NIPBL: variants seen among roughly 807,000 people sequenced by gnomAD.
The protein encoded by NIPBL is NIPBL cohesin loading factor, also known as nipped-B-like protein.
Under a neutral mutation model 321.8 loss-of-function variants are expected in NIPBL, and 19 were observed. That is an observed-to-expected ratio of 0.06 (90% CI 0.04 to 0.09). The LOEUF (loss-of-function observed/expected upper bound fraction) is 0.09. NIPBL is among the 10% of genes least tolerant of loss of function. The pLI is 1.00. For missense variants in NIPBL, 2,210 were observed against 3,327.0 expected, an observed-to-expected ratio of 0.66 and a Z score of 8.26; for synonymous variants, 1,106 against 1,114.1, an observed-to-expected ratio of 0.99 and a Z score of 0.14.
chr5:37,042,590 G>A (rs1187112925), intron 34 of NIPBL, among the ~76,000 whole-genome samples: 1 of 151,924 alleles, frequency 6.6e-6, no homozygotes, highest in Non-Finnish European at 1.5e-5. Context: ...TGGAGTTTAA[G>A]ACCAGCCTGG....
chr5:36,992,129 A>G (rs922608819), intron 10 of NIPBL, among the ~76,000 whole-genome samples: 2 of 152,214 alleles, frequency 1.3e-5, no homozygotes, highest in Non-Finnish European at 2.9e-5. Context: ...ATATATGTAC[A>G]GAAGCTGAAA....
At chr5:36,977,707 A>G (rs554495233) in intron 9 of NIPBL, among the ~76,000 whole-genome samples, 34 of 151,740 alleles carry the variant, frequency 2.2e-4, no homozygotes, top group Non-Finnish European at 4.3e-4. Flanking sequence ...CCCGTCACCC[A>G]AATAGTGATC....
In NIPBL at chr5:37,044,628, T is replaced by C; in HGVS notation, c.6250-8T>C. On this transcript the variant is annotated splice_polypyrimidine_tract_variant and splice_region_variant and intron_variant, in intron 35 of 46. Transcript: ENST00000282516. Reference sequence around the variant, plus strand: ...AACTTTTATCTAAACATTTTCTATATCTTTTAGGTAGTGCAACATTGTGTG... The same window carrying C: ...AACTTTTATCTAAACATTTTCTATACCTTTTAGGTAGTGCAACATTGTGTG... 1.9e-6 allele frequency: 3 copies of C among 1,609,664 alleles called. No homozygotes were observed. The highest frequency in any genetic ancestry group is 2.5e-6 in the Non-Finnish European group (3 of 1,176,880).
At chr5:36,900,715 TGCGAGAG>T (rs1369208155) in intron 1 of NIPBL, among the ~76,000 whole-genome samples, 1 of 152,140 alleles carries the variant, frequency 6.6e-6, no homozygotes, top group Non-Finnish European at 1.5e-5. Context: ...GAAATGAAGT[TGCGAGAG>T]GCTGATTCAT....
rs1746481832 is a variant in NIPBL at position 36,999,027 on chromosome 5, C to T, written c.3305-1346C>T. On this transcript the variant is annotated intron_variant, in intron 11 of 46. Transcript: ENST00000282516. ...GAGGAAACAAAATGACCTTTTCCTG[C>T]CATGTTGTCCATAGATTAGCTAGAA... 2.0e-5 allele frequency among the ~76,000 whole-genome samples: 3 copies of T among 152,242 alleles called. No individual in the cohort carries two copies. In the South Asian group the frequency reaches 6.2e-4, roughly 32 times the overall value.
chr5:36,953,559 C>T (rs570735264), intron 1 of NIPBL, 59 bp from the exon 2 acceptor site: 3 of 759,696 alleles, frequency 3.9e-6, no homozygotes, highest in African/African-American at 3.5e-5. Context: ...TAAGCATTTT[C>T]CTGATAGTAA....
chr5:36,897,510 G>A (rs1233654852), intron 1 of NIPBL, among the ~76,000 whole-genome samples: 1 of 152,166 alleles, frequency 6.6e-6, no homozygotes, highest in Non-Finnish European at 1.5e-5. Context: ...CATGTCAACA[G>A]TGTTATAAGA....
At chr5:36,913,246 G>A (rs982636921) in intron 1 of NIPBL, among the ~76,000 whole-genome samples, 3 of 152,140 alleles carry the variant, frequency 2.0e-5, no homozygotes, top group African/African-American at 4.8e-5. Context: ...AGGGTAAAGT[G>A]CCATAATGCA....
rs898788207 is a variant in NIPBL at position 37,037,392 on chromosome 5, A to AATATATATATATATATGT, written c.5971+931_5971+948dup. Among the ~76,000 whole-genome samples, 1,013 of 145,716 alleles carry AATATATATATATATATGT rather than the reference A, an allele frequency of 7.0e-3. 10 individuals are homozygous for AATATATATATATATATGT. The highest frequency in any genetic ancestry group is 9.3e-3 in the Non-Finnish European group (619 of 66,530). On this transcript the variant is annotated intron_variant, in intron 33 of 46. Coordinates refer to ENST00000282516, the MANE Select transcript of NIPBL (RefSeq NM_133433.4). The stretch of plus-strand genomic sequence containing the variant: ...GACAGAGGGAGACTCCGTCTCAAAA[A>AATATATATATATATATGT]ATATATATATATATATGTATATATA...
intron 21 of NIPBL, among the ~76,000 whole-genome samples, chr5:37,014,199 AAG>A (rs1326864642): frequency 2.6e-5 from 4 of 151,710 alleles, no homozygotes; most frequent in Non-Finnish European, 4.4e-5. Context: ...AGACCGTGGA[AAG>A]AGAGGGAGAG....
chr5:37,042,689 G>A (rs1752540396), intron 34 of NIPBL, among the ~76,000 whole-genome samples: 2 of 151,844 alleles, frequency 1.3e-5, no homozygotes, highest in South Asian at 4.2e-4. Flanking sequence ...TTCCCGACAT[G>A]CTGGTGCTTC....
intron 34 of NIPBL, among the ~76,000 whole-genome samples, chr5:37,041,700 T>G (rs1005505626): frequency 6.6e-6 from 1 of 151,554 alleles, no homozygotes; most frequent in African/African-American, 2.4e-5. Flanking sequence ...GTAGCTGGGA[T>G]TTTACAGGTG....
chr5:36,965,802 CAATAATAA>C (rs1271311520), intron 6 of NIPBL, among the ~76,000 whole-genome samples: 2 of 151,710 alleles, frequency 1.3e-5, no homozygotes, highest in Non-Finnish European at 2.9e-5. Flanking sequence ...TATTATCTGT[CAATAATAA>C]AACATAATTT....
At chr5:37,012,338 G>T in intron 21 of NIPBL, among the ~76,000 whole-genome samples, 1 of 147,218 alleles carries the variant, frequency 6.8e-6, no homozygotes, top group South Asian at 2.1e-4. Flanking sequence ...TTTTTATCTT[G>T]GTGATATTCT....
At chr5:37,051,673 A>G (rs1003953298) in intron 40 of NIPBL, 106 bp from the exon 41 acceptor site, 7 of 748,698 alleles carry the variant, frequency 9.3e-6, no homozygotes, top group African/African-American at 1.8e-5. Context: ...AGGAAGGCCT[A>G]TAAGGTTAAA....
intron 10 of NIPBL, among the ~76,000 whole-genome samples, chr5:36,992,621 C>G (rs905644505): frequency 1.3e-5 from 2 of 152,024 alleles, no homozygotes; most frequent in African/African-American, 2.4e-5. Context: ...CTGAAATGAT[C>G]CTCCCATCTC....
At position 37,063,999 on chromosome 5, in the gene NIPBL, A is replaced by C. The variant is rs754436783; in HGVS notation, c.8049+21A>C. The C allele has an allele frequency of 1.9e-6, 3 of 1,612,964 alleles. No individual in the cohort carries two copies. Among genetic ancestry groups the C allele is most frequent in the Non-Finnish European group, 2.5e-6 (3 of 1,179,670 alleles). On this transcript the variant is annotated intron_variant, in intron 46 of 46. Coordinates refer to ENST00000282516, the MANE Select transcript of NIPBL (RefSeq NM_133433.4). ...CAGGGGTGAGGCGGAGGAGGAGTCA[A>C]CGTATTTCGCAGCGTATTACGTAAA...
chr5:36,892,239 T>G (rs540591080), intron 1 of NIPBL, among the ~76,000 whole-genome samples: 1 of 152,132 alleles, frequency 6.6e-6, no homozygotes, highest in East Asian at 1.9e-4. Context: ...TGCAATAAGA[T>G]ACCATCTCAC....
At chr5:36,997,333 T>C (rs1430392114) in intron 11 of NIPBL, among the ~76,000 whole-genome samples, 1 of 152,188 alleles carries the variant, frequency 6.6e-6, no homozygotes, top group Non-Finnish European at 1.5e-5. Flanking sequence ...CCTCCATTAC[T>C]AAATTGCAAA....
Sources: allele counts gnomAD v4.1 joint callset (sites outside exome capture counted in the v4.1 genomes callset), GRCh38; gene constraint gnomAD v4.1.1; transcripts MANE v1.5; gene names NCBI Gene and HGNC (gene_info 2026-07-23, HGNC 2026-07-21).